The following RNF135 variants were observed in gnomAD, a reference collection of about 807,000 sequenced individuals.
RNF135 encodes E3 ubiquitin-protein ligase RNF135.
In RNF135, 46 loss-of-function variants were observed where a neutral mutation model predicts 41.9. The observed-to-expected ratio is 1.10, with a 90% CI of 0.87 to 1.40. The LOEUF is 1.40. Among genes scored for constraint, RNF135 ranks in the 40% most tolerant of loss-of-function variants. The probability of loss-of-function intolerance (pLI) is 0.00; values close to 1 mark genes in which losing one functional copy is unlikely to be tolerated. For missense variants in RNF135, 539 were observed against 549.8 expected (o/e 0.98, Z 0.20); for synonymous variants, 238 against 223.8 (o/e 1.06, Z -0.57).
intron 3 of RNF135, among the ~76,000 whole-genome samples, chr17:30,994,363 T>C (rs1908196555): frequency 6.6e-6 from 1 of 151,910 alleles, no homozygotes; most frequent in Admixed American, 6.6e-5. Flanking sequence ...GGTAACATAG[T>C]GAGACCCACT....
chr17:30,994,142 T>C (rs1908178580), intron 3 of RNF135, among the ~76,000 whole-genome samples: 2 of 152,238 alleles, frequency 1.3e-5, no homozygotes, highest in Non-Finnish European at 2.9e-5. Context: ...TAAGTAATAA[T>C]CGTATCAGCA....
chr17:30,980,503 AC>A (rs1364664063), intron 1 of RNF135, among the ~76,000 whole-genome samples: 87 of 78,822 alleles, frequency 1.1e-3, no homozygotes, highest in Admixed American at 2.4e-3. Context: ...CGGGGGGCTG[AC>A]CCCCCCCACC....
At chr17:30,994,625 CTTTAT>C (rs1428640284) in intron 3 of RNF135, among the ~76,000 whole-genome samples, 3 of 151,678 alleles carry the variant, frequency 2.0e-5, no homozygotes, top group South Asian at 2.1e-4. Flanking sequence ...TTTTTTGTAA[CTTTAT>C]TTTATTTTAT....
At chr17:30,991,883 T>G (rs1908013719) in intron 3 of RNF135, among the ~76,000 whole-genome samples, 1 of 152,100 alleles carries the variant, frequency 6.6e-6, no homozygotes, top group African/African-American at 2.4e-5. Flanking sequence ...GTCTTTTTAT[T>G]TATCTTTTAT....
chr17:30,988,222 C>G, intron 3 of RNF135, 116 bp downstream of exon 3: 2 of 1,020,216 alleles, frequency 2.0e-6, no homozygotes, highest in Admixed American at 2.0e-5. Context: ...TGTATTACCA[C>G]TGTGGTGTCG....
At chr17:30,982,415 C>T (rs987144507) in intron 1 of RNF135, among the ~76,000 whole-genome samples, 2 of 152,202 alleles carry the variant, frequency 1.3e-5, no homozygotes, top group Admixed American at 1.3e-4. Context: ...CAAAGTCTTT[C>T]TATTCTCTTT....
At chr17:30,982,488 G>A (rs1332147385) in intron 1 of RNF135, among the ~76,000 whole-genome samples, 2 of 152,170 alleles carry the variant, frequency 1.3e-5, no homozygotes, top group Non-Finnish European at 2.9e-5. Flanking sequence ...CTGACACATG[G>A]GATATGGGTT....
rs557689257 is a variant in RNF135, at chr17:30,993,755, A to C, written c.680-3487A>C. 4.1e-5 allele frequency: 40 copies of C among 976,046 alleles called. 1 individual carries two copies. The South Asian group carries it at 6.0e-4, about 15-fold the overall frequency. 60.5% of individuals were successfully genotyped at this position (976,046 alleles called of 1,614,324 possible). On this transcript the variant is annotated intron_variant, in intron 3 of 4. Coordinates refer to ENST00000328381, the MANE Select transcript of RNF135 (RefSeq NM_032322.4). ...GTAGGTTTTGCAAATGCTTTTTAAA[A>C]AATTTTTTTCCTTTCTTTTTCTTTT...
intron 2 of RNF135, among the ~76,000 whole-genome samples, chr17:30,986,623 G>A (rs1000489252): frequency 6.6e-6 from 1 of 152,232 alleles, no homozygotes; most frequent in African/African-American, 2.4e-5. Context: ...GGGATGCGAT[G>A]TGTTGGGATA....
At chr17:30,971,662 C>G in intron 1 of RNF135, 1 of 1,350,424 alleles carries the variant, frequency 7.4e-7, no homozygotes. Flanking sequence ...GAAAGCTTGT[C>G]AACTTAGCTG....
At chr17:30,989,566 C>T (rs1907842063) in intron 3 of RNF135, among the ~76,000 whole-genome samples, 1 of 152,208 alleles carries the variant, frequency 6.6e-6, no homozygotes, top group Non-Finnish European at 1.5e-5. Context: ...TTAGCTCTGT[C>T]TGGTCTCCCA....
At chr17:30,989,457 A>G (rs1311935458) in intron 3 of RNF135, among the ~76,000 whole-genome samples, 1 of 152,178 alleles carries the variant, frequency 6.6e-6, no homozygotes, top group African/African-American at 2.4e-5. Flanking sequence ...AAACAGTACC[A>G]TATAGAAAAG....
At position 30,971,434 on chromosome 17, in the gene RNF135, G is replaced by C. The variant is rs1281311389; in HGVS notation, c.361G>C (p.Glu121Gln). 1.3e-6 allele frequency: 2 copies of C among 1,512,824 alleles called. No homozygotes were observed. The highest frequency in any genetic ancestry group is 1.2e-5 in the South Asian group (1 of 81,986). 93.7% of individuals were successfully genotyped at this position (1,512,824 alleles called of 1,614,324 possible). Residue 121 changes from glutamate (E) to glutamine (Q), a missense_variant, in exon 1 of 5, where the codon GAA becomes CAA. Glu to Gln is a conservative substitution (Grantham distance 29). Around this residue, in one of 2 missense-constraint regions of RNF135, gnomAD observed 277 missense variants for 212.8 expected, o/e 1.30. Transcript: ENST00000328381. ...SAAARPRRRP[E>Q]LQRVAVEKSI... The stretch of plus-strand genomic sequence containing the variant: ...GGCCGCGAGGCCCCGGCGCCGCCCG[G>C]AACTGCAGCGGGTAGGGAGGCCGGG...
intron 1 of RNF135, chr17:30,971,652 G>T (rs1199481148): frequency 5.2e-6 from 7 of 1,350,876 alleles, no homozygotes; most frequent in Non-Finnish European, 6.6e-6. Context: ...CCCATCTTCC[G>T]AAAGCTTGTC....
intron 2 of RNF135, among the ~76,000 whole-genome samples, 180 bp from the exon 3 acceptor site, chr17:30,987,764 T>C (rs1395607733): frequency 7.4e-6 from 1 of 134,692 alleles, no homozygotes; most frequent in African/African-American, 4.1e-5. Flanking sequence ...TGCTGTACTA[T>C]GTACAGCAAA....
chr17:30,986,982 A>G (rs544968512), intron 2 of RNF135, among the ~76,000 whole-genome samples: 1 of 152,172 alleles, frequency 6.6e-6, no homozygotes, highest in Non-Finnish European at 1.5e-5. Context: ...GAAAACACTC[A>G]ATAAGTGTAA....
Position 30,998,676 on chromosome 17 carries a change from A to G in RNF135, c.784A>G (p.Thr262Ala), listed in dbSNP as rs773748671. ...TTTTTCCAAAGGGGCCATCCATCCAACCTTTAACTTGAAGAGCCTTTCCTG... is the reference window on the plus strand; with the variant it reads ...TTTTTCCAAAGGGGCCATCCATCCAGCCTTTAACTTGAAGAGCCTTTCCTG... ...SRFAQWAIHP[T>A]FNLKSLSCSL... The change falls in exon 5 of 5, where the codon ACC becomes GCC. Residue 262 changes from threonine to alanine, a missense_variant. Physicochemically the swap from Thr to Ala is moderately conservative, Grantham distance 58 (BLOSUM62 0). This residue lies in a region of RNF135 where 262 missense variants were observed against 336.9 expected (regional missense o/e 0.78). Transcript: ENST00000328381. 5.0e-6 allele frequency: 8 copies of G among 1,613,634 alleles called. No homozygotes were observed. Among genetic ancestry groups the G allele is most frequent in the African/African-American group, 2.7e-5 (2 of 74,802 alleles).
intron 3 of RNF135, chr17:30,994,034 G>T (rs1488357300): frequency 6.9e-6 from 3 of 432,608 alleles, no homozygotes; most frequent in Non-Finnish European, 1.2e-5. Flanking sequence ...CCCACTCTTG[G>T]GCTCAAGCGA....
Position 30,998,865 on chromosome 17 carries a change from T to G in RNF135, c.973T>G (p.Trp325Gly). ...WEVDTRNCSHWAVGVASWEMS... is the reference protein window; with the variant it reads ...WEVDTRNCSHGAVGVASWEMS... Reference sequence around the variant, plus strand: ...AGTGGACACTAGGAATTGCAGCCACTGGGCAGTTGGGGTGGCTTCCTGGGA... The same window carrying G: ...AGTGGACACTAGGAATTGCAGCCACGGGGCAGTTGGGGTGGCTTCCTGGGA... The change falls in exon 5 of 5, where the codon TGG (tryptophan) becomes GGG (glycine). Residue 325 changes from tryptophan (W) to glycine (G), a missense_variant. Coordinates refer to ENST00000328381, the MANE Select transcript of RNF135 (RefSeq NM_032322.4). 1 of 1,612,586 alleles carries G rather than the reference T, an allele frequency of 6.2e-7. No individual in the cohort carries two copies. Among genetic ancestry groups the G allele is most frequent in the East Asian group, 2.2e-5 (1 of 44,850 alleles).
Sources: gnomAD v4.1 joint callset for allele counts (sites outside exome capture counted in the v4.1 genomes callset) on GRCh38, gnomAD v4.1.1 for gene constraint, gnomAD v4.1.1 regional missense constraint, MANE v1.5 for transcripts, NCBI Gene and HGNC (gene_info 2026-07-23, HGNC 2026-07-21) for gene names.